Variants in FOXR1 observed in about 807,000 individuals in gnomAD.
FOXR1 encodes forkhead box R1.
Under a neutral mutation model 34.5 loss-of-function variants are expected in FOXR1, and 25 were observed. The ratio of observed to expected loss-of-function variants is 0.72; its 90% CI spans 0.53 to 1.01. The LOEUF is 1.01. FOXR1 is among the 50% of genes least tolerant of loss of function. The probability of loss-of-function intolerance (pLI) is 0.00; values close to 1 mark genes in which losing one functional copy is unlikely to be tolerated. For synonymous variants in FOXR1, 153 were observed against 141.6 expected (o/e 1.08, Z -0.57); for missense variants, 373 against 376.2 (o/e 0.99, Z 0.07).
chr11:118,977,345 T>G (rs994109776), intron 1 of FOXR1, among the ~76,000 whole-genome samples: 1 of 152,230 alleles, frequency 6.6e-6, no homozygotes, highest in African/African-American at 2.4e-5. Context: ...CTTTAATTTT[T>G]GTGCTATAAT....
rs878872464 is a variant in FOXR1 at position 118,972,072 on chromosome 11, G to A, written c.61+80G>A. On this transcript the variant is annotated intron_variant, in intron 1 of 5. Transcript: ENST00000317011. ...GGGCTCGCGGGACCCCGGGGCAGACGGCTCCCCAGCCTTCGCCCCCACCTC... is the reference window on the plus strand; with the variant it reads ...GGGCTCGCGGGACCCCGGGGCAGACAGCTCCCCAGCCTTCGCCCCCACCTC... The A allele has an allele frequency of 7.5e-6, 9 of 1,197,356 alleles. No homozygotes were observed. The Admixed American group carries it at 9.6e-5, about 13-fold the overall frequency. The allele number at this position is 1,197,356 out of a possible 1,614,324, so 74.2% of individuals were successfully genotyped here.
At position 118,979,447 on chromosome 11, in the gene FOXR1, A is replaced by G; in HGVS notation, c.390A>G (p.Thr130=). ...FAFSPSTWEL[T]EEEEAEDQED... is the part of the protein sequence containing the mutation. ...CCTACTCTGTGCTCCTCTAGCTCAC[A>G]GAAGAGGAGGAGGCTGAGGACCAGG... Residue 130 remains threonine, a synonymous_variant, in exon 4 of 6, where the codon ACA becomes ACG. Coordinates refer to ENST00000317011, the MANE Select transcript of FOXR1 (RefSeq NM_181721.3). 6.2e-7 allele frequency: 1 copy of G among 1,606,766 alleles called. No homozygotes were observed. The highest frequency in any genetic ancestry group is 8.5e-7 in the Non-Finnish European group (1 of 1,176,412).
Position 118,979,102 on chromosome 11 carries a change from T to C in FOXR1, c.282T>C (p.Asp94=). ...CTCAGCCACCCCAGAAGGAGGAAGA[T>C]GCCAGCTGCTCAGAGGCCGCAGGGG... is the stretch of plus-strand genomic sequence containing the variant. The part of the protein sequence containing the change: ...PSSQPPQKEE[D]ASCSEAAGVE... Residue 94 remains aspartate, a synonymous_variant, in exon 3 of 6, where the codon GAT becomes GAC. Transcript: ENST00000317011. 2 of 1,607,974 alleles carry C rather than the reference T, an allele frequency of 1.2e-6. No homozygotes were observed. Among genetic ancestry groups the C allele is most frequent in the South Asian group, 1.1e-5 (1 of 90,304 alleles).
chr11:118,979,541 CA>C lies in FOXR1; in HGVS notation c.486del (p.Ala163ProfsTer19). On this transcript the variant is annotated frameshift_variant, in exon 4 of 6. Transcript: ENST00000317011. LOFTEE classifies it high-confidence loss of function. ...CCCCCTCCAGAGTCGGAGGCTTCGG[CA>C]AGCCAGCAGCCAGGCGGGGAGGCTC... ...RAPLQSRRLRQASSQAGRLWS... is the reference protein window; with the variant it reads ...RAPLQSRRLRXASSQAGRLWS... The C allele has an allele frequency of 1.2e-6, 2 of 1,613,772 alleles. No homozygotes were observed. Among genetic ancestry groups the C allele is most frequent in the Non-Finnish European group, 1.7e-6 (2 of 1,179,810 alleles).
At chr11:118,972,087 GC>G in intron 1 of FOXR1, 95 bp downstream of exon 1, 2 of 1,166,652 alleles carry the variant, frequency 1.7e-6, no homozygotes, top group Non-Finnish European at 2.4e-6. Flanking sequence ...CCCAGCCTTC[GC>G]CCCCACCTCC....
At chr11:118,973,589 G>A (rs915088086) in intron 1 of FOXR1, among the ~76,000 whole-genome samples, 2 of 151,918 alleles carry the variant, frequency 1.3e-5, no homozygotes, top group South Asian at 2.1e-4. Flanking sequence ...TAGTAAAGAC[G>A]GGGATTCCCT....
At chr11:118,981,174 G>A in intron 5 of FOXR1, 34 bp from the exon 6 acceptor site, 1 of 1,612,598 alleles carries the variant, frequency 6.2e-7, no homozygotes, top group Non-Finnish European at 8.5e-7. Context: ...CAATTGTGAA[G>A]TATAAACTCC....
chr11:118,976,401 C>T (rs1257821708), intron 1 of FOXR1, among the ~76,000 whole-genome samples: 2 of 152,166 alleles, frequency 1.3e-5, no homozygotes, highest in African/African-American at 4.8e-5. Context: ...GGGGTTTCAC[C>T]ATGTTGCCCA....
intron 1 of FOXR1, 102 bp from the exon 2 acceptor site, chr11:118,978,680 G>A: frequency 8.2e-7 from 1 of 1,223,372 alleles, no homozygotes; most frequent in Middle Eastern, 1.9e-4. Flanking sequence ...CCCAAGGCAG[G>A]GCCCACAACC....
At chr11:118,980,249 G>A in intron 4 of FOXR1, 1 of 674,832 alleles carries the variant, frequency 1.5e-6, no homozygotes, top group Non-Finnish European at 2.7e-6. Flanking sequence ...GCCTGATTCT[G>A]CTTTGTTCAT....
chr11:118,979,427 T>G lies in FOXR1; in HGVS notation c.385-15T>G. 6.3e-7 allele frequency: 1 copy of G among 1,590,250 alleles called. No homozygotes were observed. Among genetic ancestry groups the G allele is most frequent in the Non-Finnish European group, 8.6e-7 (1 of 1,168,086 alleles). On this transcript the variant is annotated splice_polypyrimidine_tract_variant and intron_variant, in intron 3 of 5. Transcript: ENST00000317011. ...CTGAGGAGTCAGGACCAGTTCCTAC[T>G]CTGTGCTCCTCTAGCTCACAGAAGA...
At position 118,979,507 on chromosome 11, in the gene FOXR1, C is replaced by A; in HGVS notation, c.450C>A (p.His150Gln). The stretch of plus-strand genomic sequence containing the variant: ...CCTCTATGGCTCTCCCATCCCCTCA[C>A]AAAAGGGCCCCCCTCCAGAGTCGGA... ...DSSSMALPSP[H>Q]KRAPLQSRRL... is the part of the protein sequence containing the mutation. Residue 150 changes from histidine to glutamine, a missense_variant, in exon 4 of 6, where the codon CAC (histidine) becomes CAA (glutamine). Transcript: ENST00000317011. The A allele has an allele frequency of 3.1e-6, 5 of 1,613,374 alleles. No individual in the cohort carries two copies. Among genetic ancestry groups the A allele is most frequent in the Non-Finnish European group, 4.2e-6 (5 of 1,179,626 alleles).
In FOXR1 at chr11:118,980,611, C is replaced by CG; in HGVS notation, c.735dup (p.Pro246AlafsTer46). The CG allele has an allele frequency of 1.9e-6, 3 of 1,614,240 alleles. No homozygotes were observed. The South Asian group carries it at 3.3e-5, about 18-fold the overall frequency. On this transcript the variant is annotated frameshift_variant, in exon 5 of 6. Coordinates refer to ENST00000317011, the MANE Select transcript of FOXR1 (RefSeq NM_181721.3). LOFTEE classifies it high-confidence loss of function. ...CAGCATGCAGGGCGGGGCCAGCACA[C>CG]GGCCTCGATCTTGCCTCTGGAAGTT...
At chr11:118,973,061 T>G (rs1483378618) in intron 1 of FOXR1, among the ~76,000 whole-genome samples, 1 of 149,696 alleles carries the variant, frequency 6.7e-6, no homozygotes, top group Non-Finnish European at 1.5e-5. Context: ...TTGTTAGTAT[T>G]CTATCGGCTG....
intron 1 of FOXR1, among the ~76,000 whole-genome samples, chr11:118,978,312 A>G (rs1018816444): frequency 3.3e-5 from 5 of 151,988 alleles, no homozygotes; most frequent in Non-Finnish European, 5.9e-5. Context: ...TCTTGAGCAC[A>G]CCACTGCACT....
At chr11:118,978,401 A>C (rs1054745842) in intron 1 of FOXR1, among the ~76,000 whole-genome samples, 6 of 152,154 alleles carry the variant, frequency 3.9e-5, no homozygotes, top group African/African-American at 1.2e-4. Context: ...GATGGAATTC[A>C]GTTTTAGAAG....
chr11:118,973,987 C>T (rs930320478), intron 1 of FOXR1, among the ~76,000 whole-genome samples: 11 of 152,124 alleles, frequency 7.2e-5, no homozygotes, highest in Non-Finnish European at 1.3e-4. Context: ...TGTGAGCCAC[C>T]GCGCCAGGCC....
chr11:118,979,801 C>T, intron 4 of FOXR1, 133 bp downstream of exon 4: 1 of 750,970 alleles, frequency 1.3e-6, no homozygotes, highest in South Asian at 2.1e-5. Flanking sequence ...AGTATGTTCC[C>T]AGTTCCCTTT....
intron 1 of FOXR1, among the ~76,000 whole-genome samples, chr11:118,976,992 T>C (rs1489394058): frequency 6.6e-6 from 1 of 152,106 alleles, no homozygotes; most frequent in Admixed American, 6.6e-5. Flanking sequence ...CTATTTTGTT[T>C]GTTTGTCTAT....
Sources: gnomAD v4.1 joint callset for allele counts (sites outside exome capture counted in the v4.1 genomes callset) on GRCh38, gnomAD v4.1.1 for gene constraint, MANE v1.5 for transcripts, NCBI Gene and HGNC (gene_info 2026-07-23, HGNC 2026-07-21) for gene names.